Variants in ASTN1 observed in about 807,000 individuals in gnomAD.
ASTN1 encodes astrotactin-1.
Under a neutral mutation model 140.7 loss-of-function variants are expected in ASTN1, and 41 were observed. That is an observed-to-expected ratio of 0.29 (90% CI 0.23 to 0.38). The LOEUF is 0.38. ASTN1 is among the 10% of genes least tolerant of loss of function. The probability of loss-of-function intolerance (pLI) is 1.00; values close to 1 mark genes in which losing one functional copy is unlikely to be tolerated. For missense variants in ASTN1, 1,479 were observed against 1,678.8 expected, an observed-to-expected ratio of 0.88 and a Z score of 2.08; for synonymous variants, 640 against 652.2, an observed-to-expected ratio of 0.98 and a Z score of 0.29.
chr1:177,036,304 C>T (rs1676718249), intron 2 of ASTN1, among the ~76,000 whole-genome samples: 1 of 151,942 alleles, frequency 6.6e-6, no homozygotes, highest in African/African-American at 2.4e-5. Context: ...GCCTCAGCCT[C>T]CCAAAGTGCT....
intron 1 of ASTN1, among the ~76,000 whole-genome samples, chr1:177,108,557 T>C (rs78237648): frequency 1.3e-4 from 20 of 152,232 alleles, no homozygotes; most frequent in African/African-American, 4.6e-4. Context: ...TAATATTCCA[T>C]TGTGTGTGTA....
intron 16 of ASTN1, 101 bp downstream of exon 16, chr1:176,934,051 G>T: frequency 8.1e-7 from 1 of 1,240,088 alleles, no homozygotes; most frequent in Non-Finnish European, 1.1e-6. Flanking sequence ...AAATCTGATT[G>T]AGTCGTTACT....
In ASTN1 at chr1:176,888,059, A is replaced by C. The variant is rs758054987; in HGVS notation, c.3074+12T>G. 20 of 1,613,884 alleles carry C rather than the reference A, an allele frequency of 1.2e-5. No homozygotes were observed. The highest frequency in any genetic ancestry group is 1.7e-5 in the Non-Finnish European group (20 of 1,179,994). On this transcript the variant is annotated intron_variant, in intron 18 of 22. Transcript: ENST00000361833. ...TCCAGAGTAATGCTGAAAGAGAGAA[A>C]GAGAACCATACACAGGCTGTGGGAG...
intron 8 of ASTN1, among the ~76,000 whole-genome samples, chr1:176,991,868 T>C (rs1241403940): frequency 6.6e-6 from 1 of 152,156 alleles, no homozygotes; most frequent in East Asian, 1.9e-4. Flanking sequence ...TTGAGGGCAT[T>C]AGACAAAGAG....
chr1:177,158,903 CAA>C (rs1331417526), intron 1 of ASTN1, among the ~76,000 whole-genome samples: 8 of 111,786 alleles, frequency 7.2e-5, no homozygotes, highest in East Asian at 2.5e-4. Flanking sequence ...AATAAAAATA[CAA>C]AAAAAAAAAA....
intron 1 of ASTN1, among the ~76,000 whole-genome samples, chr1:177,066,360 G>T (rs1439713836): frequency 6.6e-6 from 1 of 152,166 alleles, no homozygotes; most frequent in Non-Finnish European, 1.5e-5. Flanking sequence ...TGAGATCTTG[G>T]GCAGGGAAAG....
At chr1:177,042,094 A>T (rs1039125356) in intron 2 of ASTN1, among the ~76,000 whole-genome samples, 5 of 152,220 alleles carry the variant, frequency 3.3e-5, no homozygotes, top group African/African-American at 1.2e-4. Flanking sequence ...TGAACCAGGG[A>T]AGACCCTGAA....
At chr1:176,902,423 C>T (rs761363986) in intron 16 of ASTN1, among the ~76,000 whole-genome samples, 4 of 145,844 alleles carry the variant, frequency 2.7e-5, no homozygotes, top group Non-Finnish European at 6.0e-5. Flanking sequence ...AAAAATTGAT[C>T]GATAACATAC....
intron 16 of ASTN1, among the ~76,000 whole-genome samples, chr1:176,906,853 A>T (rs1016722971): frequency 1.3e-5 from 2 of 151,474 alleles, no homozygotes; most frequent in East Asian, 1.9e-4. Flanking sequence ...CAAAAAAAAA[A>T]AAAAAAAGAA....
Position 176,936,375 on chromosome 1 carries a change from G to A in ASTN1, c.2378-5C>T. On this transcript the variant is annotated splice_region_variant and splice_polypyrimidine_tract_variant and intron_variant, in intron 14 of 22. Coordinates refer to ENST00000361833, the MANE Select transcript of ASTN1 (RefSeq NM_004319.3). ...CTTCACTGAAGTTCACCATCCCTAA[G>A]GACAGAAGAGATGTAAGCTGAGTTC... 3 of 1,608,676 alleles carry A rather than the reference G, an allele frequency of 1.9e-6. No individual in the cohort carries two copies. The highest frequency in any genetic ancestry group is 2.5e-6 in the Non-Finnish European group (3 of 1,177,578).
At chr1:176,951,295 C>T (rs1310879344) in intron 11 of ASTN1, among the ~76,000 whole-genome samples, 1 of 152,244 alleles carries the variant, frequency 6.6e-6, no homozygotes, top group East Asian at 1.9e-4. Flanking sequence ...TCCTTGGCCA[C>T]CCAGCTGTTA....
chr1:177,046,564 T>TA (rs1398042466), intron 2 of ASTN1, among the ~76,000 whole-genome samples: 1 of 152,170 alleles, frequency 6.6e-6, no homozygotes, highest in Non-Finnish European at 1.5e-5. Context: ...TGTGGTCCCA[T>TA]CCCACCCTTT....
At chr1:176,961,661 T>A (rs901329068) in intron 9 of ASTN1, among the ~76,000 whole-genome samples, 1 of 152,240 alleles carries the variant, frequency 6.6e-6, no homozygotes, top group African/African-American at 2.4e-5. Context: ...CTCAGGCCTA[T>A]GGAATTCTAA....
At chr1:176,991,127 G>A (rs557398603) in intron 8 of ASTN1, among the ~76,000 whole-genome samples, 2 of 152,202 alleles carry the variant, frequency 1.3e-5, no homozygotes, top group Admixed American at 6.5e-5. Context: ...TATAGAGCCG[G>A]CCGGGTGCAG....
At chr1:177,035,379 T>C (rs1397462523) in intron 2 of ASTN1, among the ~76,000 whole-genome samples, 1 of 152,200 alleles carries the variant, frequency 6.6e-6, no homozygotes, top group East Asian at 1.9e-4. Flanking sequence ...CCAGACCCAT[T>C]GTCAGTTCTG....
intron 1 of ASTN1, among the ~76,000 whole-genome samples, chr1:177,109,663 T>C (rs1680720521): frequency 6.6e-6 from 1 of 152,230 alleles, no homozygotes. Flanking sequence ...GAAATGCTGA[T>C]TGGAATCAAG....
intron 16 of ASTN1, among the ~76,000 whole-genome samples, chr1:176,898,168 G>A (rs1669605978): frequency 6.6e-6 from 1 of 152,232 alleles, no homozygotes; most frequent in African/African-American, 2.4e-5. Context: ...TACCTAGCAA[G>A]ATTAGGGAGT....
chr1:177,127,420 C>A lies in ASTN1; in HGVS notation c.283+36974G>T, dbSNP rs552004171. On this transcript the variant is annotated intron_variant, in intron 1 of 22. Transcript: ENST00000361833. ...TTTGGCATCTACACCAGTTTTTCAC[C>A]CATGTCACAATACTTTCCACTATTC... 2.6e-5 allele frequency among the ~76,000 whole-genome samples: 4 copies of A among 152,272 alleles called. No homozygotes were observed. In the East Asian group the frequency reaches 7.7e-4, roughly 29 times the overall value.
intron 1 of ASTN1, among the ~76,000 whole-genome samples, chr1:177,139,033 C>A (rs1315028156): frequency 6.6e-6 from 1 of 152,292 alleles, no homozygotes; most frequent in East Asian, 1.9e-4. Flanking sequence ...ATTGAAAAAC[C>A]TTTCCTGGTG....
Sources: allele counts gnomAD v4.1 joint callset (sites outside exome capture counted in the v4.1 genomes callset), GRCh38; gene constraint gnomAD v4.1.1; transcripts MANE v1.5; gene names NCBI Gene and HGNC (gene_info 2026-07-23, HGNC 2026-07-21).